ACBD6: variants seen among roughly 807,000 people sequenced by gnomAD.
ACBD6 encodes the protein acyl-CoA binding domain containing 6.
Under a neutral mutation model 37.2 loss-of-function variants are expected in ACBD6, and 28 were observed. That is an observed-to-expected ratio of 0.75 (90% CI 0.56 to 1.03). The LOEUF (loss-of-function observed/expected upper bound fraction) is 1.03, where lower values mean the gene tolerates loss of function less well. ACBD6 is among the 50% of genes least tolerant of loss of function. The pLI is 0.00. For missense variants in ACBD6, 340 were observed against 337.4 expected (o/e 1.01, Z -0.06); for synonymous variants, 113 against 126.8 (o/e 0.89, Z 0.73).
In ACBD6 at chr1:180,417,587, T is replaced by C. The variant is rs573875187; in HGVS notation, c.468-4116A>G. ...AGAAAGGAGGGACCCAGCACTTCAATCACTACAAAGACATAGTCCCTTTGG... is the reference window on the plus strand; with the variant it reads ...AGAAAGGAGGGACCCAGCACTTCAACCACTACAAAGACATAGTCCCTTTGG... On this transcript the variant is annotated intron_variant, in intron 4 of 7. Coordinates refer to ENST00000367595, the MANE Select transcript of ACBD6 (RefSeq NM_032360.4). 4.6e-5 allele frequency among the ~76,000 whole-genome samples: 7 copies of C among 152,352 alleles called. No individual in the cohort carries two copies. In the East Asian group the frequency reaches 7.7e-4, roughly 17 times the overall value.
At chr1:180,303,659 C>A (rs1323720813) in intron 7 of ACBD6, among the ~76,000 whole-genome samples, 1 of 150,696 alleles carries the variant, frequency 6.6e-6, no homozygotes, top group Non-Finnish European at 1.5e-5. Flanking sequence ...GGATTCACAG[C>A]CGAATTCCAC....
chr1:180,288,993 T>TA (rs370388243), intron 7 of ACBD6, among the ~76,000 whole-genome samples: 8 of 147,336 alleles, frequency 5.4e-5, no homozygotes, highest in African/African-American at 1.5e-4. Context: ...GTAAATTTTT[T>TA]AAAAAAAAGC....
At chr1:180,440,055 C>T (rs1649217697) in intron 3 of ACBD6, among the ~76,000 whole-genome samples, 1 of 151,944 alleles carries the variant, frequency 6.6e-6, no homozygotes, top group South Asian at 2.1e-4. Flanking sequence ...TACTATAGTT[C>T]AGTTCAGTTG....
In ACBD6 at chr1:180,427,144, T is replaced by C. The variant is rs545561866; in HGVS notation, c.467+3036A>G. Among the ~76,000 whole-genome samples, 13 of 152,290 alleles carry C rather than the reference T, an allele frequency of 8.5e-5. No individual in the cohort carries two copies. In the South Asian group the frequency reaches 2.7e-3, roughly 32 times the overall value. On this transcript the variant is annotated intron_variant, in intron 4 of 7. Transcript: ENST00000367595. The stretch of plus-strand genomic sequence containing the variant: ...CAAACTCATAACTCATCATCTATTA[T>C]ACAATACACATTCGTCAGAAAAGCT...
intron 6 of ACBD6, among the ~76,000 whole-genome samples, chr1:180,392,784 A>C (rs1380386851): frequency 1.3e-5 from 2 of 149,772 alleles, no homozygotes; most frequent in Non-Finnish European, 3.0e-5. Flanking sequence ...GAAATCTTTT[A>C]TAAGACACAG....
At chr1:180,358,810 A>C (rs1403227551) in intron 6 of ACBD6, among the ~76,000 whole-genome samples, 1 of 152,202 alleles carries the variant, frequency 6.6e-6, no homozygotes, top group East Asian at 1.9e-4. Context: ...CACTGCTGGC[A>C]CCAGGCCCAT....
chr1:180,417,493 T>G (rs1441400268), intron 4 of ACBD6, among the ~76,000 whole-genome samples: 2 of 152,232 alleles, frequency 1.3e-5, no homozygotes, highest in Admixed American at 1.3e-4. Flanking sequence ...ACACTTTCCC[T>G]GGCTCTATTT....
At chr1:180,423,621 T>C (rs1300833672) in intron 4 of ACBD6, among the ~76,000 whole-genome samples, 1 of 152,192 alleles carries the variant, frequency 6.6e-6, no homozygotes, top group Non-Finnish European at 1.5e-5. Flanking sequence ...AAAAAATCAA[T>C]GACCCAGATA....
intron 3 of ACBD6, among the ~76,000 whole-genome samples, chr1:180,483,408 T>C (rs1465485102): frequency 3.3e-5 from 5 of 152,112 alleles, no homozygotes; most frequent in African/African-American, 1.2e-4. Flanking sequence ...ACTTTACTAA[T>C]ACATTATTAA....
At chr1:180,491,213 CT>C (rs930212182) in intron 3 of ACBD6, among the ~76,000 whole-genome samples, 1 of 152,070 alleles carries the variant, frequency 6.6e-6, no homozygotes, top group Non-Finnish European at 1.5e-5. Flanking sequence ...TACAAAAACA[CT>C]GAAAATTGTT....
At chr1:180,444,691 T>G (rs1382125435) in intron 3 of ACBD6, among the ~76,000 whole-genome samples, 2 of 150,900 alleles carry the variant, frequency 1.3e-5, no homozygotes, top group African/African-American at 4.8e-5. Flanking sequence ...CAAAATCCAT[T>G]AAGTCACTTT....
At chr1:180,437,989 T>C (rs1649120786) in intron 3 of ACBD6, among the ~76,000 whole-genome samples, 1 of 152,166 alleles carries the variant, frequency 6.6e-6, no homozygotes. Context: ...TAGCAATACA[T>C]GGCCTGTCAG....
chr1:180,336,655 C>G (rs1428795786), intron 6 of ACBD6, among the ~76,000 whole-genome samples: 1 of 151,272 alleles, frequency 6.6e-6, no homozygotes, highest in African/African-American at 2.4e-5. Flanking sequence ...CAAGAAATAA[C>G]TAAGATCAGA....
intron 7 of ACBD6, among the ~76,000 whole-genome samples, chr1:180,310,949 G>A (rs140577214): frequency 4.6e-5 from 7 of 152,254 alleles, no homozygotes; most frequent in Middle Eastern, 3.4e-3. Flanking sequence ...GTTTCTGCAC[G>A]TCTTATGTAC....
chr1:180,465,379 G>A (rs1055926941), intron 3 of ACBD6, among the ~76,000 whole-genome samples: 3 of 151,974 alleles, frequency 2.0e-5, no homozygotes, highest in African/African-American at 7.3e-5. Context: ...TTCAAAAGAA[G>A]ACATACATGT....
chr1:180,305,320 G>A (rs1393343062), intron 7 of ACBD6, among the ~76,000 whole-genome samples: 5 of 152,008 alleles, frequency 3.3e-5, no homozygotes, highest in Non-Finnish European at 7.4e-5. Context: ...GGTAACCTAC[G>A]GAATGGGAGA....
chr1:180,495,479 A>G lies in ACBD6; in HGVS notation c.269T>C (p.Phe90Ser), dbSNP rs770484958. 6.2e-7 allele frequency: 1 copy of G among 1,605,828 alleles called. No individual in the cohort carries two copies. Among genetic ancestry groups the G allele is most frequent in the East Asian group, 2.2e-5 (1 of 44,726 alleles). ...CNTPKPSFFD[F>S]EGKQKWEAWK... is the part of the protein sequence containing the mutation. The stretch of plus-strand genomic sequence containing the variant: ...TTCTTACCATTTTTGCTTTCCTTCA[A>G]AATCAAAGAAGCTTGGTTTAGGAGT... The change falls in exon 2 of 8, where the codon TTT becomes TCT. Residue 90 changes from phenylalanine to serine, a missense_variant. Transcript: ENST00000367595.
At chr1:180,318,608 T>C (rs1237798243) in intron 6 of ACBD6, among the ~76,000 whole-genome samples, 1 of 152,206 alleles carries the variant, frequency 6.6e-6, no homozygotes. Context: ...AGTTGACTTC[T>C]TAGCGGGATT....
chr1:180,470,413 G>A (rs1430543238), intron 3 of ACBD6, among the ~76,000 whole-genome samples: 1 of 152,060 alleles, frequency 6.6e-6, no homozygotes, highest in East Asian at 1.9e-4. Context: ...GAATCATCTT[G>A]GTCTAGTCTT....
Sources: allele counts gnomAD v4.1 joint callset (sites outside exome capture counted in the v4.1 genomes callset), GRCh38; gene constraint gnomAD v4.1.1; transcripts MANE v1.5; gene names NCBI Gene and HGNC (gene_info 2026-07-23, HGNC 2026-07-21).